PPFIA2: variants seen among roughly 807,000 people sequenced by gnomAD.
PPFIA2 encodes the protein liprin-alpha-2.
A neutral mutation model predicts 175.5 loss-of-function variants in PPFIA2; 46 were observed. The ratio of observed to expected loss-of-function variants is 0.26; its 90% CI spans 0.21 to 0.34. The LOEUF (loss-of-function observed/expected upper bound fraction) is 0.34. Among genes scored for constraint, PPFIA2 ranks in the 10% least tolerant of loss-of-function variants. The probability of loss-of-function intolerance (pLI) is 1.00; values close to 1 mark genes in which losing one functional copy is unlikely to be tolerated. For missense variants in PPFIA2, 1,179 were observed against 1,506.1 expected, an observed-to-expected ratio of 0.78 and a Z score of 3.60; for synonymous variants, 568 against 511.4, an observed-to-expected ratio of 1.11 and a Z score of -1.49.
chr12:81,277,234 C>T (rs2040752631), intron 28 of PPFIA2, 83 bp downstream of exon 28: 6 of 1,145,334 alleles, frequency 5.2e-6, no homozygotes, highest in Non-Finnish European at 5.9e-6. Context: ...ACCATTGTAA[C>T]ACATATAACA....
chr12:81,501,796 T>C (rs557221765), intron 4 of PPFIA2, among the ~76,000 whole-genome samples: 3 of 152,180 alleles, frequency 2.0e-5, no homozygotes, highest in Non-Finnish European at 2.9e-5. Flanking sequence ...CAGTATTCTT[T>C]TCAAGGTGAA....
intron 4 of PPFIA2, among the ~76,000 whole-genome samples, chr12:81,604,978 C>CT (rs2060144029): frequency 6.6e-6 from 1 of 151,766 alleles, no homozygotes; most frequent in Non-Finnish European, 1.5e-5. Flanking sequence ...CTAATACACC[C>CT]TTGTGCCCTT....
intron 28 of PPFIA2, 132 bp from the exon 29 acceptor site, chr12:81,268,219 A>G: frequency 1.5e-6 from 1 of 687,906 alleles, no homozygotes; most frequent in Non-Finnish European, 2.2e-6. Flanking sequence ...GCTCACTGCA[A>G]GCTCCGCCTC....
chr12:81,656,096 A>G (rs1419030249), intron 4 of PPFIA2, among the ~76,000 whole-genome samples: 2 of 151,964 alleles, frequency 1.3e-5, no homozygotes, highest in East Asian at 3.9e-4. Context: ...TTTATGGTAT[A>G]CCTTTTCTAT....
At chr12:81,353,962 C>G (rs2060459493) in intron 16 of PPFIA2, among the ~76,000 whole-genome samples, 1 of 152,148 alleles carries the variant, frequency 6.6e-6, no homozygotes, top group Non-Finnish European at 1.5e-5. Flanking sequence ...TATGCCCATT[C>G]TCTACTGAAG....
rs1415026690 is a variant in PPFIA2 at position 81,258,472 on chromosome 12, A to G, written c.*1222T>C. ...GAAAATCAGCAGTTAGATAAATGGT[A>G]TTATTAAATAGGCTTTACTTTGAAT... On this transcript the variant is annotated 3_prime_UTR_variant, in exon 33 of 33. Transcript: ENST00000549396. 6.6e-6 allele frequency: 1 copy of G among 152,182 alleles called. No individual in the cohort carries two copies. Among genetic ancestry groups the G allele is most frequent in the Non-Finnish European group, 1.5e-5 (1 of 68,036 alleles). The allele number at this position is 152,182 out of a possible 1,614,324, so 9.4% of individuals were successfully genotyped here. A position where few individuals can be genotyped will look rare whatever the true frequency, so the allele number is the denominator to read the frequency against.
chr12:81,636,263 A>ATT (rs147916617), intron 4 of PPFIA2, among the ~76,000 whole-genome samples: 7,537 of 117,288 alleles, frequency 0.064, 458 homozygotes, highest in East Asian at 0.28. Context: ...TAACTCTCTG[A>ATT]TTTTTTTTTT....
intron 20 of PPFIA2, among the ~76,000 whole-genome samples, chr12:81,340,356 A>G (rs774166092): frequency 6.6e-6 from 1 of 152,084 alleles, no homozygotes; most frequent in Admixed American, 6.6e-5. Context: ...TTAAGTCATT[A>G]TATTTGGTTA....
chr12:81,598,650 T>A (rs965397776), intron 4 of PPFIA2, among the ~76,000 whole-genome samples: 1 of 150,480 alleles, frequency 6.6e-6, no homozygotes, highest in South Asian at 2.1e-4. Flanking sequence ...TTTTTTTTTT[T>A]AAAGGGAGTT....
intron 4 of PPFIA2, among the ~76,000 whole-genome samples, chr12:81,661,623 A>G (rs2068889206): frequency 6.6e-6 from 1 of 152,190 alleles, no homozygotes; most frequent in South Asian, 2.1e-4. Context: ...CCCCACTGTC[A>G]ACATTAGACA....
At chr12:81,653,232 T>C (rs113109022) in intron 4 of PPFIA2, among the ~76,000 whole-genome samples, 94 of 152,262 alleles carry the variant, frequency 6.2e-4, no homozygotes, top group African/African-American at 2.3e-3. Flanking sequence ...TCATTTTCCA[T>C]AGTACTTGGA....
chr12:81,415,068 C>G (rs1278572099), intron 7 of PPFIA2, among the ~76,000 whole-genome samples: 1 of 145,592 alleles, frequency 6.9e-6, no homozygotes, highest in African/African-American at 2.5e-5. Context: ...TTTCATTAAC[C>G]ATGGGCAGAT....
intron 7 of PPFIA2, among the ~76,000 whole-genome samples, chr12:81,427,077 G>C (rs936338290): frequency 6.6e-6 from 1 of 151,932 alleles, no homozygotes; most frequent in Non-Finnish European, 1.5e-5. Flanking sequence ...CACATTTTAT[G>C]TCTCTTTCAG....
chr12:81,517,493 C>T (rs923826232), intron 4 of PPFIA2, among the ~76,000 whole-genome samples: 3 of 152,140 alleles, frequency 2.0e-5, no homozygotes, highest in Non-Finnish European at 2.9e-5. Context: ...GCCGAGACCT[C>T]GGCTAATGCT....
chr12:81,279,672 AT>A (rs538901168), intron 27 of PPFIA2, among the ~76,000 whole-genome samples: 1 of 151,972 alleles, frequency 6.6e-6, no homozygotes, highest in Non-Finnish European at 1.5e-5. Flanking sequence ...TCATTTGAGT[AT>A]TTTTTTTAAT....
chr12:81,656,891 T>C (rs1438861625), intron 4 of PPFIA2, among the ~76,000 whole-genome samples: 2 of 152,112 alleles, frequency 1.3e-5, no homozygotes, highest in Non-Finnish European at 1.5e-5. Flanking sequence ...ATAAAATCTT[T>C]AGGGCATATT....
chr12:81,668,148 A>G (rs7963022), intron 4 of PPFIA2, among the ~76,000 whole-genome samples: 48,320 of 151,848 alleles, frequency 0.32, 10,233 homozygotes, highest in African/African-American at 0.61. Flanking sequence ...ACCACCTCAC[A>G]TTTCAGTTTA....
At chr12:81,634,245 G>A (rs2063733228) in intron 4 of PPFIA2, among the ~76,000 whole-genome samples, 1 of 152,042 alleles carries the variant, frequency 6.6e-6, no homozygotes, top group Non-Finnish European at 1.5e-5. Context: ...GGAGCTAAGG[G>A]TTTAAAAATG....
In PPFIA2 at chr12:81,595,266, CAT is replaced by C. The variant is rs200144374; in HGVS notation, c.303+81523_303+81524del. On this transcript the variant is annotated intron_variant, in intron 4 of 32. Coordinates refer to ENST00000549396, the MANE Select transcript of PPFIA2 (RefSeq NM_003625.5). ...TATATATATATATACTTTAAACAAACATATATATATATGTTTGTTTTAAAGTA... is the reference window on the plus strand; with the variant it reads ...TATATATATATATACTTTAAACAAACATATATATATGTTTGTTTTAAAGTA... 4.0e-5 allele frequency among the ~76,000 whole-genome samples: 6 copies of C among 149,528 alleles called. No individual in the cohort carries two copies. The South Asian group carries it at 6.3e-4, about 16-fold the overall frequency.
Sources: gnomAD v4.1 joint callset for allele counts (sites outside exome capture counted in the v4.1 genomes callset) on GRCh38, gnomAD v4.1.1 for gene constraint, MANE v1.5 for transcripts, NCBI Gene and HGNC (gene_info 2026-07-23, HGNC 2026-07-21) for gene names.